The following ABITRAM variants were observed in gnomAD, a reference collection of about 807,000 sequenced individuals.
The protein encoded by ABITRAM is protein Abitram.
A neutral mutation model predicts 22.9 loss-of-function variants in ABITRAM; 19 were observed. That is an observed-to-expected ratio of 0.83 (90% CI 0.58 to 1.22). The LOEUF is 1.22. ABITRAM is among the 50% of genes most tolerant of loss of function. The pLI, the probability that ABITRAM is intolerant of heterozygous loss-of-function variation, is 0.00. For missense variants in ABITRAM, 215 were observed against 220.2 expected, an observed-to-expected ratio of 0.98 and a Z score of 0.15; for synonymous variants, 70 against 73.9, an observed-to-expected ratio of 0.95 and a Z score of 0.27.
chr9:108,946,248 G>A (rs12338755), intron 3 of ABITRAM, among the ~76,000 whole-genome samples: 7,961 of 149,298 alleles, frequency 0.053, 322 homozygotes, highest in East Asian at 0.12. Context: ...GTAGTGAGCC[G>A]AGATCGTGCC....
At chr9:108,943,512 C>T (rs1230142481), downstream of ABITRAM, among the ~76,000 whole-genome samples, 2 of 152,082 alleles carry the variant, frequency 1.3e-5, no homozygotes, top group Admixed American at 1.3e-4. Flanking sequence ...GTCCAAAAAA[C>T]TACTTTATTT....
chr9:108,946,088 C>G (rs1317581641), intron 3 of ABITRAM, among the ~76,000 whole-genome samples: 1 of 152,016 alleles, frequency 6.6e-6, no homozygotes, highest in African/African-American at 2.4e-5. Flanking sequence ...ATCACAAGGT[C>G]AAGAGATCGA....
chr9:108,939,502 G>T (rs202172746), intron 5 of ABITRAM, 47 bp from the exon 6 acceptor site: 225 of 1,589,994 alleles, frequency 1.4e-4, no homozygotes, highest in African/African-American at 6.5e-4. Flanking sequence ...CCTTTTATTG[G>T]TTTTTTTTTC....
chr9:108,946,809 G>A (rs1383666108), intron 3 of ABITRAM, among the ~76,000 whole-genome samples: 1 of 152,046 alleles, frequency 6.6e-6, no homozygotes, highest in African/African-American at 2.4e-5. Flanking sequence ...ACAATTCATT[G>A]AACATTGATT....
intron 3 of ABITRAM, 152 bp downstream of exon 3, chr9:108,936,589 A>C: frequency 1.3e-6 from 1 of 786,382 alleles, no homozygotes; most frequent in Non-Finnish European, 2.0e-6. Context: ...CACCTAAAGA[A>C]ATTCTCAGCT....
chr9:108,939,114 C>A, intron 3 of ABITRAM, 82 bp from the exon 4 acceptor site: 1 of 1,098,700 alleles, frequency 9.1e-7, no homozygotes, highest in Non-Finnish European at 1.3e-6. Flanking sequence ...AGGAATACAT[C>A]CTGTTATACA....
intron 3 of ABITRAM, among the ~76,000 whole-genome samples, chr9:108,949,355 A>G (rs1830493478): frequency 6.6e-6 from 1 of 152,174 alleles, no homozygotes; most frequent in South Asian, 2.1e-4. Context: ...AAAAATACTG[A>G]GCATGCCATC....
In ABITRAM at chr9:108,934,543, C is replaced by G. The variant is rs745635965; in HGVS notation, c.57C>G (p.Tyr19Ter). 3.7e-6 allele frequency: 6 copies of G among 1,606,554 alleles called. No homozygotes were observed. The highest frequency in any genetic ancestry group is 1.7e-5 in the Admixed American group (1 of 59,478). Residue 19 changes from tyrosine (Y) to a stop codon, truncating the protein, a stop_gained, in exon 1 of 6, where the codon TAC (tyrosine) becomes TAG (stop). Coordinates refer to ENST00000322940, the MANE Select transcript of ABITRAM (RefSeq NM_017832.4). LOFTEE classifies it high-confidence loss of function. ...TGGTGCCTTCGCTCGTGGATCGATA[C>G]TTCACTCGCTGGTACAAACCGGGTA... ...EPVVPSLVDR[Y>*]FTRWYKPDVK... is the part of the protein sequence containing the mutation.
At chr9:108,937,438 C>A (rs1258011877) in intron 3 of ABITRAM, among the ~76,000 whole-genome samples, 1 of 152,142 alleles carries the variant, frequency 6.6e-6, no homozygotes, top group African/African-American at 2.4e-5. Context: ...TGATTTAAGT[C>A]GTTCATTTAC....
chr9:108,943,106 T>G, downstream of ABITRAM: 1 of 1,408,166 alleles, frequency 7.1e-7, no homozygotes, highest in Non-Finnish European at 9.7e-7. Flanking sequence ...ACCTTACCAT[T>G]TATTTAGTTT....
intron 3 of ABITRAM, among the ~76,000 whole-genome samples, chr9:108,937,656 A>C (rs1441526025): frequency 6.6e-6 from 1 of 152,138 alleles, no homozygotes; most frequent in East Asian, 1.9e-4. Context: ...ATAACACTTA[A>C]GACTTCTGAA....
Position 108,937,193 on chromosome 9 carries a change from C to T in ABITRAM, c.261+756C>T, listed in dbSNP as rs146849272. 8.8e-3 allele frequency among the ~76,000 whole-genome samples: 1,340 copies of T among 152,154 alleles called. 23 individuals are homozygous for T. Among genetic ancestry groups the T allele is most frequent in the African/African-American group, 0.031 (1,270 of 41,506 alleles). Reference sequence around the variant, plus strand: ...AAAAACAAAAACAAAAACATGAATACGAGAAAATATATTTGCTCCTTACTG... The same window carrying T: ...AAAAACAAAAACAAAAACATGAATATGAGAAAATATATTTGCTCCTTACTG... On this transcript the variant is annotated intron_variant, in intron 3 of 5. Coordinates refer to ENST00000322940, the MANE Select transcript of ABITRAM (RefSeq NM_017832.4).
In ABITRAM at chr9:108,934,431, G is replaced by A. The variant is rs1830128241; in HGVS notation, c.-56G>A. ...CGGAAGAGCACGCCCAGTCCGGGCT[G>A]CGCGGAGGAAGCGCTGGGGTCCCGG... On this transcript the variant is annotated 5_prime_UTR_variant, in exon 1 of 6. Transcript: ENST00000322940. 2 of 1,495,008 alleles carry A rather than the reference G, an allele frequency of 1.3e-6. No homozygotes were observed. The highest frequency in any genetic ancestry group is 1.4e-5 in the African/African-American group (1 of 69,658). 92.6% of individuals were successfully genotyped at this position (1,495,008 alleles called of 1,614,324 possible).
At chr9:108,946,827 T>G (rs1271286126) in intron 3 of ABITRAM, among the ~76,000 whole-genome samples, 1 of 152,122 alleles carries the variant, frequency 6.6e-6, no homozygotes, top group African/African-American at 2.4e-5. Flanking sequence ...ATTTAATGAC[T>G]AAGCTCACAT....
intron 3 of ABITRAM, chr9:108,948,336 A>G (rs1300489581): frequency 6.3e-6 from 7 of 1,108,688 alleles, no homozygotes; most frequent in African/African-American, 1.6e-5. Context: ...AACAAATCCT[A>G]AATTTTGAAG....
downstream of ABITRAM, among the ~76,000 whole-genome samples, chr9:108,945,824 G>A (rs776510056): frequency 4.6e-5 from 7 of 152,072 alleles, no homozygotes; most frequent in Non-Finnish European, 8.8e-5. Flanking sequence ...TGAATCTGCA[G>A]ATGCAAAACC....
At chr9:108,945,450 A>T (rs1587939195), downstream of ABITRAM, among the ~76,000 whole-genome samples, 1 of 146,000 alleles carries the variant, frequency 6.8e-6, no homozygotes, top group Admixed American at 6.8e-5. Flanking sequence ...GTTATATTTT[A>T]TTGGTTTTCT....
rs138178116 is a variant in ABITRAM at position 108,949,705 on chromosome 9, G to A, written c.262-802G>A. ...CTAAAACTACAAAAATTAGCCGGGC[G>A]TGGTGGCACACAACTGTAATCCCAG... On this transcript the variant is annotated intron_variant, in intron 3 of 3. Coordinates refer to the ABITRAM transcript ENST00000374624. Among the ~76,000 whole-genome samples the A allele has an allele frequency of 8.5e-5, 13 of 152,202 alleles. No individual in the cohort carries two copies. In the East Asian group the frequency reaches 2.1e-3, roughly 25 times the overall value.
Position 108,940,709 on chromosome 9 carries a change from T to C in ABITRAM, c.*1023T>C, listed in dbSNP as rs952543577. 1 of 152,162 alleles carries C rather than the reference T, an allele frequency of 6.6e-6. No individual in the cohort carries two copies. The highest frequency in any genetic ancestry group is 2.4e-5 in the African/African-American group (1 of 41,440). The allele number at this position is 152,162 out of a possible 1,614,324, so 9.4% of individuals were successfully genotyped here. A position where few individuals can be genotyped will look rare whatever the true frequency, so the allele number is the denominator to read the frequency against. On this transcript the variant is annotated 3_prime_UTR_variant, in exon 6 of 6. Coordinates refer to ENST00000322940, the MANE Select transcript of ABITRAM (RefSeq NM_017832.4). ...ATTATAGTTACTCAGTCTCACATAC[T>C]CTAGTTACTGGCAAAGAAGTTACTG...
Sources: gnomAD v4.1 joint callset for allele counts (sites outside exome capture counted in the v4.1 genomes callset) on GRCh38, gnomAD v4.1.1 for gene constraint, MANE v1.5 for transcripts, NCBI Gene and HGNC (gene_info 2026-07-23, HGNC 2026-07-21) for gene names.